RYR1: variants seen among roughly 807,000 people sequenced by gnomAD.
RYR1 encodes ryanodine receptor 1, also known as central core disease of muscle.
RYR1 carries 342 observed loss-of-function variants against 583.5 expected under a neutral mutation model. The observed-to-expected ratio is 0.59, with a 90% CI of 0.54 to 0.64. The LOEUF (loss-of-function observed/expected upper bound fraction) is 0.64. Ranked by LOEUF, RYR1 falls within the 30% of genes least tolerant of loss-of-function variation. The pLI, the probability that RYR1 is intolerant of heterozygous loss-of-function variation, is 0.00. For missense variants in RYR1, 6,032 were observed against 6,917.2 expected, an observed-to-expected ratio of 0.87 and a Z score of 4.54; for synonymous variants, 2,791 against 2,822.5, an observed-to-expected ratio of 0.99 and a Z score of 0.35.
intron 26 of RYR1, 41 bp downstream of exon 26, chr19:38,469,181 C>T (rs1568465289): frequency 6.2e-7 from 1 of 1,612,830 alleles, no homozygotes; most frequent in Non-Finnish European, 8.5e-7. Context: ...TCTTGTTTTC[C>T]TCTGTCTCTC....
At chr19:38,571,506 G>A (rs1403273377) in intron 94 of RYR1, among the ~76,000 whole-genome samples, 2 of 151,970 alleles carry the variant, frequency 1.3e-5, no homozygotes, top group African/African-American at 2.4e-5. Flanking sequence ...GCCTGGTGGC[G>A]GGCACCTGTA....
intron 89 of RYR1, 122 bp from the exon 90 acceptor site, chr19:38,560,991 T>G (rs1173120449): frequency 3.4e-5 from 29 of 851,686 alleles, no homozygotes; most frequent in Non-Finnish European, 5.1e-5. Flanking sequence ...GGTTGAGCTG[T>G]GATTGCGCCA....
At chr19:38,578,339 T>C in intron 99 of RYR1, 135 bp downstream of exon 99, 1 of 806,030 alleles carries the variant, frequency 1.2e-6, no homozygotes, top group Non-Finnish European at 2.1e-6. Context: ...TATCTTCTTA[T>C]CCACACAAGG....
Position 38,502,953 on chromosome 19 carries a change from G to T in RYR1, c.7909G>T (p.Ala2637Ser). Residue 2637 changes from alanine (A) to serine (S), a missense_variant, in exon 49 of 106, where the codon GCC becomes TCC. Physicochemically the swap from Ala to Ser is moderately conservative, Grantham distance 99. Transcript: ENST00000359596. Reference sequence around the variant, plus strand: ...CGACGTGCCCATCCTCAACGAGTTCGCCAAGATGCCACTCAAGGTGAGGGC... The same window carrying T: ...CGACGTGCCCATCCTCAACGAGTTCTCCAAGATGCCACTCAAGGTGAGGGC... ...VFDVPILNEFAKMPLKLLTNH... is the reference protein window; with the variant it reads ...VFDVPILNEFSKMPLKLLTNH... 1 of 1,609,876 alleles carries T rather than the reference G, an allele frequency of 6.2e-7. No individual in the cohort carries two copies. Among genetic ancestry groups the T allele is most frequent in the Non-Finnish European group, 8.5e-7 (1 of 1,179,980 alleles).
intron 93 of RYR1, among the ~76,000 whole-genome samples, chr19:38,569,077 C>G (rs1236479940): frequency 2.6e-5 from 4 of 151,880 alleles, no homozygotes; most frequent in Non-Finnish European, 5.9e-5. Flanking sequence ...GTGGCACAAT[C>G]TCGGCTCACT....
chr19:38,468,843 C>A, intron 25 of RYR1, 123 bp from the exon 26 acceptor site: 1 of 1,011,544 alleles, frequency 9.9e-7, no homozygotes, highest in Non-Finnish European at 1.5e-6. Context: ...CTCTTCCATA[C>A]CACCTGCCCT....
intron 76 of RYR1, among the ~76,000 whole-genome samples, chr19:38,529,310 G>C (rs2960353): frequency 6.6e-6 from 1 of 152,088 alleles, no homozygotes; most frequent in Non-Finnish European, 1.5e-5. Context: ...GCAAAACCCC[G>C]TTTCTACAAA....
At chr19:38,470,368 G>T (rs1284739037) in intron 27 of RYR1, among the ~76,000 whole-genome samples, 1 of 151,528 alleles carries the variant, frequency 6.6e-6, no homozygotes, top group Non-Finnish European at 1.5e-5. Flanking sequence ...AGCTCAGGAG[G>T]TCGAGGCTGC....
chr19:38,486,701 C>T (rs1273008379), intron 34 of RYR1, among the ~76,000 whole-genome samples: 1 of 152,168 alleles, frequency 6.6e-6, no homozygotes, highest in Non-Finnish European at 1.5e-5. Context: ...CCTTTCCCTC[C>T]ATCTGCTCAC....
At chr19:38,519,538 G>C in intron 67 of RYR1, 84 bp downstream of exon 67, 1 of 1,470,452 alleles carries the variant, frequency 6.8e-7, no homozygotes, top group South Asian at 1.2e-5. Context: ...CTCCTGACTG[G>C]CTAGAAACTT....
chr19:38,535,298 C>T lies in RYR1; in HGVS notation c.11440-18C>T, dbSNP rs762018810. ...TGTGTGACTCCCAGTTTCTCCTCCC[C>T]TGCCTCGCCCTCTGCAGAAAATGCT... is the stretch of plus-strand genomic sequence containing the variant. On this transcript the variant is annotated intron_variant, in intron 80 of 105. Coordinates refer to ENST00000359596, the MANE Select transcript of RYR1 (RefSeq NM_000540.3). 6.2e-7 allele frequency: 1 copy of T among 1,614,004 alleles called. No individual in the cohort carries two copies.
intron 11 of RYR1, among the ~76,000 whole-genome samples, chr19:38,449,797 G>C (rs1004692740): frequency 1.3e-5 from 2 of 152,224 alleles, no homozygotes; most frequent in African/African-American, 4.8e-5. Context: ...GTGGAACAGG[G>C]TGAGCAGGCT....
chr19:38,562,185 G>A (rs1054972682), intron 90 of RYR1, among the ~76,000 whole-genome samples: 4 of 152,018 alleles, frequency 2.6e-5, no homozygotes, highest in East Asian at 3.9e-4. Context: ...CTTGGGCCAC[G>A]GTCTCAGGCT....
chr19:38,452,569 C>T (rs1026131512), intron 12 of RYR1, among the ~76,000 whole-genome samples: 2 of 152,166 alleles, frequency 1.3e-5, no homozygotes, highest in South Asian at 2.1e-4. Flanking sequence ...ACACCCAGAG[C>T]CTGGACCCTG....
At chr19:38,510,603 C>T in intron 59 of RYR1, 38 bp downstream of exon 59, 1 of 1,614,156 alleles carries the variant, frequency 6.2e-7, no homozygotes, top group Non-Finnish European at 8.5e-7. Context: ...GCGCTGGGGA[C>T]TCATAGGCTC....
intron 31 of RYR1, among the ~76,000 whole-genome samples, chr19:38,479,157 G>A (rs557869244): frequency 3.2e-4 from 48 of 152,340 alleles, no homozygotes; most frequent in Non-Finnish European, 5.1e-4. Flanking sequence ...CAGGGAACAC[G>A]CTAGGATGGG....
At chr19:38,495,904 G>A (rs969276895) in intron 39 of RYR1, among the ~76,000 whole-genome samples, 2 of 152,022 alleles carry the variant, frequency 1.3e-5, no homozygotes, top group African/African-American at 4.8e-5. Context: ...CTGGGATTAC[G>A]GGTATGCGCC....
In RYR1 at chr19:38,530,987, C is replaced by CTTTTTTTTTTTTTTTT. The variant is rs59244176; in HGVS notation, c.11142-1500_11142-1485dup. Among the ~76,000 whole-genome samples the CTTTTTTTTTTTTTTTT allele has an allele frequency of 1.6e-3, 212 of 129,348 alleles. 1 individual carries two copies. The highest frequency in any genetic ancestry group is 1.9e-3 in the Non-Finnish European group (119 of 62,006). 84.9% of individuals were successfully genotyped at this position (129,348 alleles called of 152,430 possible). On this transcript the variant is annotated intron_variant, in intron 76 of 105. Coordinates refer to ENST00000359596, the MANE Select transcript of RYR1 (RefSeq NM_000540.3). ...CCAGCTATTTTTCTTTTTTCTTTCT[C>CTTTTTTTTTTTTTTTT]TTTTTTTTTTTTTTTTTTGTATTTT...
intron 11 of RYR1, among the ~76,000 whole-genome samples, chr19:38,451,091 C>A (rs1233623491): frequency 1.3e-5 from 2 of 152,232 alleles, no homozygotes; most frequent in Non-Finnish European, 2.9e-5. Flanking sequence ...CTGCCAGTGC[C>A]TAGAACAGAG....
Sources: gnomAD v4.1 joint callset for allele counts (sites outside exome capture counted in the v4.1 genomes callset) on GRCh38, gnomAD v4.1.1 for gene constraint, MANE v1.5 for transcripts, NCBI Gene and HGNC (gene_info 2026-07-23, HGNC 2026-07-21) for gene names.